The following PDE4B variants were observed in gnomAD, a reference collection of about 807,000 sequenced individuals.
PDE4B encodes 3',5'-cyclic-AMP phosphodiesterase 4B.
Under a neutral mutation model 82.2 loss-of-function variants are expected in PDE4B, and 20 were observed. The observed-to-expected ratio is 0.24, with a 90% confidence interval of 0.17 to 0.35. PDE4B has a LOEUF of 0.35. PDE4B is among the 10% of genes least tolerant of loss of function. The probability of loss-of-function intolerance (pLI) is 1.00; values close to 1 mark genes in which losing one functional copy is unlikely to be tolerated. For missense variants in PDE4B, 655 were observed against 907.2 expected (o/e 0.72, Z 3.57); for synonymous variants, 320 against 318.9 (o/e 1.00, Z -0.04).
chr1:66,113,953 A>G (rs959673079), intron 3 of PDE4B, among the ~76,000 whole-genome samples: 1 of 152,194 alleles, frequency 6.6e-6, no homozygotes, highest in Admixed American at 6.5e-5. Context: ...CACTTCTACT[A>G]TTACGAATTG....
intron 7 of PDE4B, among the ~76,000 whole-genome samples, chr1:66,282,788 A>G (rs1208997674): frequency 1.3e-5 from 2 of 152,134 alleles, no homozygotes; most frequent in Admixed American, 6.6e-5. Context: ...TCAGATTTCT[A>G]TAATGGCTCC....
intron 7 of PDE4B, among the ~76,000 whole-genome samples, chr1:66,307,314 A>G (rs1658349900): frequency 6.6e-6 from 1 of 152,182 alleles, no homozygotes; most frequent in Non-Finnish European, 1.5e-5. Flanking sequence ...AATGAAAGCC[A>G]TGGAGAGCAA....
At chr1:65,864,745 C>T (rs780480642) in intron 1 of PDE4B, among the ~76,000 whole-genome samples, 6 of 152,154 alleles carry the variant, frequency 3.9e-5, no homozygotes, top group Non-Finnish European at 1.5e-5. Flanking sequence ...AAGCTTCATC[C>T]CAGAGGGGCA....
intron 7 of PDE4B, among the ~76,000 whole-genome samples, chr1:66,279,049 G>A (rs1169713414): frequency 6.6e-6 from 1 of 151,902 alleles, no homozygotes; most frequent in Non-Finnish European, 1.5e-5. Context: ...ACAGAGCAAG[G>A]CCTTCCCCTG....
chr1:66,295,804 G>C (rs1168410434), intron 7 of PDE4B, among the ~76,000 whole-genome samples: 1 of 152,126 alleles, frequency 6.6e-6, no homozygotes, highest in East Asian at 1.9e-4. Flanking sequence ...AGATTTCTAT[G>C]TACAACTTTC....
intron 3 of PDE4B, among the ~76,000 whole-genome samples, chr1:65,930,407 T>C (rs1647765971): frequency 2.0e-5 from 3 of 152,200 alleles, no homozygotes; most frequent in Admixed American, 2.0e-4. Context: ...TCCAGAATGA[T>C]AGATCCACTG....
intron 3 of PDE4B, among the ~76,000 whole-genome samples, chr1:66,235,129 T>G (rs892473241): frequency 2.0e-5 from 3 of 152,316 alleles, no homozygotes; most frequent in African/African-American, 7.2e-5. Flanking sequence ...TTGTATGACT[T>G]CAAATTTTTT....
At chr1:66,342,608 G>A (rs576051938) in intron 8 of PDE4B, among the ~76,000 whole-genome samples, 25 of 151,152 alleles carry the variant, frequency 1.7e-4, no homozygotes, top group African/African-American at 6.1e-4. Flanking sequence ...GGCACACACT[G>A]TAATCCCAGC....
chr1:66,351,348 G>A (rs1466122615), intron 8 of PDE4B, among the ~76,000 whole-genome samples: 1 of 152,190 alleles, frequency 6.6e-6, no homozygotes, highest in African/African-American at 2.4e-5. Context: ...TTTCTCTACT[G>A]AATTTAATAA....
intron 4 of PDE4B, among the ~76,000 whole-genome samples, chr1:66,255,225 C>T (rs1226212531): frequency 1.3e-5 from 2 of 152,096 alleles, no homozygotes; most frequent in South Asian, 2.1e-4. Flanking sequence ...GCTAGGATTA[C>T]AGGCATGTAC....
chr1:66,297,361 C>T (rs759567289), intron 7 of PDE4B, among the ~76,000 whole-genome samples: 6 of 152,202 alleles, frequency 3.9e-5, no homozygotes, highest in South Asian at 2.1e-4. Context: ...TGTGCTACAA[C>T]GAAGGTATTG....
chr1:66,172,203 T>C (rs1646850619), intron 3 of PDE4B, among the ~76,000 whole-genome samples: 1 of 152,202 alleles, frequency 6.6e-6, no homozygotes, highest in Non-Finnish European at 1.5e-5. Flanking sequence ...CATGAGGTAT[T>C]TGCTTTTCTG....
intron 1 of PDE4B, among the ~76,000 whole-genome samples, chr1:65,809,332 C>CAAAAA (rs11366228): frequency 2.8e-5 from 2 of 72,514 alleles, no homozygotes; most frequent in African/African-American, 5.4e-5. Context: ...CTCCATCTCA[C>CAAAAA]AAAAAAAAAA....
chr1:65,928,522 A>G (rs1026709126), intron 3 of PDE4B, among the ~76,000 whole-genome samples: 3 of 152,156 alleles, frequency 2.0e-5, no homozygotes, highest in African/African-American at 7.2e-5. Flanking sequence ...CTGCCACCTC[A>G]GGATCTAATT....
chr1:66,194,792 G>A (rs1344709098), intron 3 of PDE4B, among the ~76,000 whole-genome samples: 3 of 152,036 alleles, frequency 2.0e-5, no homozygotes, highest in South Asian at 2.1e-4. Flanking sequence ...TTGAGGACAA[G>A]GGCCATTTCT....
intron 9 of PDE4B, among the ~76,000 whole-genome samples, chr1:66,356,224 C>T (rs1420341672): frequency 6.6e-6 from 1 of 152,170 alleles, no homozygotes; most frequent in Non-Finnish European, 1.5e-5. Context: ...GTTCTCTTCC[C>T]AATCTGATGC....
intron 3 of PDE4B, among the ~76,000 whole-genome samples, chr1:65,982,886 C>T (rs890062523): frequency 6.6e-6 from 1 of 152,156 alleles, no homozygotes; most frequent in Admixed American, 6.5e-5. Context: ...ATCATTGGTC[C>T]AGAGAGCACA....
intron 7 of PDE4B, chr1:66,267,505 AC>A (rs374607578): frequency 1.8e-3 from 270 of 152,350 alleles, no homozygotes; most frequent in African/African-American, 6.3e-3. Flanking sequence ...ATACTGACAA[AC>A]ATTAGGAGAA....
chr1:66,297,972 T>C (rs892726928), intron 7 of PDE4B, among the ~76,000 whole-genome samples: 1 of 152,176 alleles, frequency 6.6e-6, no homozygotes, highest in African/African-American at 2.4e-5. Flanking sequence ...TATCCTATTA[T>C]ATGTAAAAGT....
Sources: gnomAD v4.1 joint callset for allele counts (sites outside exome capture counted in the v4.1 genomes callset) on GRCh38, gnomAD v4.1.1 for gene constraint, MANE v1.5 for transcripts, NCBI Gene and HGNC (gene_info 2026-07-23, HGNC 2026-07-21) for gene names.